Variants in WWC1 observed in about 807,000 individuals in gnomAD.
The protein encoded by WWC1 is protein KIBRA.
Under a neutral mutation model 138.4 loss-of-function variants are expected in WWC1, and 55 were observed. The observed-to-expected ratio is 0.40, with a 90% CI of 0.32 to 0.50. The LOEUF (loss-of-function observed/expected upper bound fraction) is 0.50, where lower values mean the gene tolerates loss of function less well. WWC1 is among the 20% of genes least tolerant of loss of function. The pLI is 0.72. For synonymous variants in WWC1, 524 were observed against 564.9 expected (o/e 0.93, Z 1.03); for missense variants, 1,226 against 1,420.4 (o/e 0.86, Z 2.20).
At position 168,441,823 on chromosome 5, in the gene WWC1, C is replaced by T; in HGVS notation, c.2422C>T (p.Pro808Ser). The change falls in exon 16 of 23, where the codon CCT (proline) becomes TCT (serine). Residue 808 changes from proline to serine, a missense_variant. Pro to Ser is a moderately conservative substitution (Grantham distance 74, BLOSUM62 -1). This residue lies in a region of WWC1 where 1,016 missense variants were observed against 1,153.9 expected (regional missense o/e 0.88). Transcript: ENST00000265293. ...GGGAGTCATGGCCCCTGCCTCAGGG[C>T]CTGCCAGCACGGTGAGCTGGGACCA... ...PVGVMAPASGPASTDAVSALL... is the reference protein window; with the variant it reads ...PVGVMAPASGSASTDAVSALL... The T allele has an allele frequency of 6.2e-7, 1 of 1,613,708 alleles. No individual in the cohort carries two copies. Among genetic ancestry groups the T allele is most frequent in the Non-Finnish European group, 8.5e-7 (1 of 1,179,802 alleles).
intron 2 of WWC1, among the ~76,000 whole-genome samples, chr5:168,377,586 A>G (rs184358474): frequency 0.06 from 9,176 of 151,684 alleles, 296 homozygotes; most frequent in African/African-American, 0.078. Flanking sequence ...TTCAACAAGC[A>G]AAAAACAAAT....
At position 168,428,768 on chromosome 5, in the gene WWC1, C is replaced by T; in HGVS notation, c.1981C>T (p.Arg661Ter). 3 of 1,613,762 alleles carry T rather than the reference C, an allele frequency of 1.9e-6. No individual in the cohort carries two copies. Among genetic ancestry groups the T allele is most frequent in the Non-Finnish European group, 2.5e-6 (3 of 1,179,852 alleles). Residue 661 changes from arginine (R) to a stop codon, truncating the protein, a stop_gained, in exon 13 of 23, where the codon CGA (arginine) becomes TGA (stop). Coordinates refer to ENST00000265293, the MANE Select transcript of WWC1 (RefSeq NM_015238.3). LOFTEE classifies it high-confidence loss of function. ...CGAATCGGAAGCAGTGGGTGCGACC[C>T]GAATTCAGATTGCCCTGAAGTAAGT... ...SDESEAVGATRIQIALKYDEK... is the reference protein window; with the variant it reads ...SDESEAVGAT
intron 8 of WWC1, chr5:168,411,916 A>G: frequency 4.2e-6 from 4 of 956,486 alleles, no homozygotes; most frequent in Non-Finnish European, 5.0e-6. Context: ...GTGATTTCCC[A>G]AAGACAAATT....
At chr5:168,459,742 A>G (rs1325153342) in intron 19 of WWC1, among the ~76,000 whole-genome samples, 3 of 152,184 alleles carry the variant, frequency 2.0e-5, no homozygotes, top group Non-Finnish European at 4.4e-5. Flanking sequence ...TTAATTATCA[A>G]TAACCACAGA....
chr5:168,447,661 T>C (rs1026389166), intron 17 of WWC1, among the ~76,000 whole-genome samples: 3 of 152,194 alleles, frequency 2.0e-5, no homozygotes, highest in Admixed American at 6.5e-5. Context: ...TTTACTCTTC[T>C]CTCTTACTAT....
At position 168,296,051 on chromosome 5, in the gene WWC1, G is replaced by A. The variant is rs146882284; in HGVS notation, c.119+3780G>A. On this transcript the variant is annotated intron_variant, in intron 1 of 22. Transcript: ENST00000265293. The stretch of plus-strand genomic sequence containing the variant: ...CACCTTGGAGCCGTGCTCCTTTTGC[G>A]GAGTAACTCTGGGTGCTTTTGTGAG... Among the ~76,000 whole-genome samples, 910 of 152,320 alleles carry A rather than the reference G, an allele frequency of 6.0e-3. 24 individuals carry two copies. The highest frequency in any genetic ancestry group is 6.1e-3 in the Non-Finnish European group (415 of 68,026).
At chr5:168,360,021 G>C (rs1775766208) in intron 1 of WWC1, among the ~76,000 whole-genome samples, 2 of 152,122 alleles carry the variant, frequency 1.3e-5, no homozygotes, top group Non-Finnish European at 2.9e-5. Flanking sequence ...ACAACCATTT[G>C]GTTCCTAGGG....
At chr5:168,394,489 G>GA (rs1561700733) in intron 3 of WWC1, among the ~76,000 whole-genome samples, 1 of 146,734 alleles carries the variant, frequency 6.8e-6, no homozygotes, top group African/African-American at 2.8e-5. Context: ...CACTTGGGGG[G>GA]CCGAGGCGGG....
At chr5:168,353,943 A>G (rs983608697) in intron 1 of WWC1, among the ~76,000 whole-genome samples, 3 of 152,192 alleles carry the variant, frequency 2.0e-5, no homozygotes, top group Non-Finnish European at 4.4e-5. Flanking sequence ...TTGTGTGTTT[A>G]CTTCCAGCTG....
At chr5:168,359,030 T>TG (rs769266538) in intron 1 of WWC1, among the ~76,000 whole-genome samples, 1 of 99,276 alleles carries the variant, frequency 1.0e-5, no homozygotes, top group African/African-American at 4.3e-5. Flanking sequence ...TTGGTGGTGG[T>TG]GGGGTGTGTG....
At chr5:168,425,157 A>G (rs1461570658) in intron 11 of WWC1, among the ~76,000 whole-genome samples, 1 of 152,190 alleles carries the variant, frequency 6.6e-6, no homozygotes, top group African/African-American at 2.4e-5. Flanking sequence ...GTGAGGAAGC[A>G]GGGATAGGAA....
intron 18 of WWC1, 93 bp from the exon 19 acceptor site, chr5:168,455,263 T>TGACA (rs951610740): frequency 4.1e-5 from 58 of 1,419,560 alleles, no homozygotes; most frequent in Non-Finnish European, 5.4e-5. Context: ...AAAGGTGAGG[T>TGACA]GACAGGAGGG....
intron 2 of WWC1, among the ~76,000 whole-genome samples, chr5:168,377,249 CCCTA>C (rs1369724605): frequency 6.6e-6 from 1 of 152,082 alleles, no homozygotes; most frequent in Non-Finnish European, 1.5e-5. Flanking sequence ...AAAACTGGAC[CCCTA>C]CCTTTTACCA....
intron 1 of WWC1, among the ~76,000 whole-genome samples, chr5:168,337,497 G>A (rs1169419180): frequency 4.6e-5 from 7 of 151,800 alleles, no homozygotes; most frequent in Non-Finnish European, 4.4e-5. Flanking sequence ...CAGTGCACAG[G>A]ACAGCCCCCG....
chr5:168,423,149 C>CAAAAAAAAAAAAA (rs773855632), intron 10 of WWC1, among the ~76,000 whole-genome samples: 1 of 71,310 alleles, frequency 1.4e-5, no homozygotes, highest in South Asian at 5.5e-4. Flanking sequence ...CATCCCCCCC[C>CAAAAAAAAAAAAA]AAAAAAAAAA....
At chr5:168,375,099 A>G (rs1777066419) in intron 2 of WWC1, among the ~76,000 whole-genome samples, 1 of 152,170 alleles carries the variant, frequency 6.6e-6, no homozygotes, top group Non-Finnish European at 1.5e-5. Context: ...ACAGTTTGAT[A>G]TATAAACCTG....
intron 1 of WWC1, among the ~76,000 whole-genome samples, chr5:168,301,457 G>GGTC (rs1316065562): frequency 2.6e-5 from 4 of 152,132 alleles, no homozygotes; most frequent in African/African-American, 9.7e-5. Context: ...TCAACATGGT[G>GGTC]AAACACCATC....
At chr5:168,403,260 G>A (rs897665098) in intron 5 of WWC1, among the ~76,000 whole-genome samples, 1 of 151,878 alleles carries the variant, frequency 6.6e-6, no homozygotes, top group African/African-American at 2.4e-5. Context: ...ACCATGCCCG[G>A]CTAATTTTTT....
intron 21 of WWC1, chr5:168,467,583 G>A (rs575858825): frequency 2.8e-5 from 12 of 428,600 alleles, no homozygotes; most frequent in African/African-American, 1.2e-4. Flanking sequence ...TAGAGGTAGC[G>A]CACATTTCAA....
Sources: gnomAD v4.1 joint callset for allele counts (sites outside exome capture counted in the v4.1 genomes callset) on GRCh38, gnomAD v4.1.1 for gene constraint, gnomAD v4.1.1 regional missense constraint, MANE v1.5 for transcripts, NCBI Gene and HGNC (gene_info 2026-07-23, HGNC 2026-07-21) for gene names.